Variants in TES observed in about 807,000 individuals in gnomAD.
The protein encoded by TES is testin LIM domain protein.
TES carries 41 observed loss-of-function variants against 48.2 expected under a neutral mutation model. The ratio of observed to expected loss-of-function variants is 0.85; its 90% CI spans 0.66 to 1.10. The LOEUF (loss-of-function observed/expected upper bound fraction) is 1.10. TES is among the 50% of genes least tolerant of loss of function. The probability of loss-of-function intolerance (pLI) is 0.00; values close to 1 mark genes in which losing one functional copy is unlikely to be tolerated. For missense variants in TES, 463 were observed against 515.1 expected (o/e 0.90, Z 0.98); for synonymous variants, 162 against 174.9 (o/e 0.93, Z 0.58).
chr7:116,250,580 T>C lies in TES; in HGVS notation c.702+84T>C, dbSNP rs182425778. 331 of 1,067,696 alleles carry C rather than the reference T, an allele frequency of 3.1e-4. 2 individuals carry two copies. The Admixed American group carries it at 3.2e-3, about 10-fold the overall frequency. The allele number at this position is 1,067,696 out of a possible 1,614,324, so 66.1% of individuals were successfully genotyped here. Reference sequence around the variant, plus strand: ...TTACTTTGAACTTTTTTGGGGACTATTCCTCTGAGTTTCCAAAAGGGAATA... The same window carrying C: ...TTACTTTGAACTTTTTTGGGGACTACTCCTCTGAGTTTCCAAAAGGGAATA... On this transcript the variant is annotated intron_variant, in intron 4 of 6. Coordinates refer to ENST00000358204, the MANE Select transcript of TES (RefSeq NM_015641.4).
At chr7:116,248,294 T>A (rs1799955290) in intron 2 of TES, among the ~76,000 whole-genome samples, 1 of 152,152 alleles carries the variant, frequency 6.6e-6, no homozygotes, top group African/African-American at 2.4e-5. Context: ...GGGTGCATTG[T>A]CCTTTTGGTG....
intron 2 of TES, among the ~76,000 whole-genome samples, chr7:116,247,777 T>G (rs186970999): frequency 5.0e-4 from 76 of 152,326 alleles, no homozygotes; most frequent in African/African-American, 1.5e-3. Flanking sequence ...AAATACATTA[T>G]TAGTGACTGA....
intron 1 of TES, among the ~76,000 whole-genome samples, chr7:116,224,894 T>C (rs1799603738): frequency 6.6e-6 from 1 of 152,156 alleles, no homozygotes; most frequent in African/African-American, 2.4e-5. Context: ...GACTTTGTAG[T>C]GAGTGCATAG....
Position 116,234,557 on chromosome 7 carries a change from A to G in TES, c.51A>G (p.Gly17=). 6.2e-7 allele frequency: 1 copy of G among 1,613,904 alleles called. No homozygotes were observed. Among genetic ancestry groups the G allele is most frequent in the Non-Finnish European group, 8.5e-7 (1 of 1,179,828 alleles). Reference sequence around the variant, plus strand: ...AGATGGGCTTAGGTCACGAGCAAGGATTTGGAGCCCCTTGTTTAAAATGCA... The same window carrying G: ...AGATGGGCTTAGGTCACGAGCAAGGGTTTGGAGCCCCTTGTTTAAAATGCA... ...VKKMGLGHEQ[G]FGAPCLKCKE... The change falls in exon 2 of 7, where the codon GGA becomes GGG. Residue 17 remains glycine (G), a synonymous_variant. Transcript: ENST00000358204.
intron 2 of TES, chr7:116,237,950 C>T (rs145201614): frequency 6.6e-6 from 1 of 152,240 alleles, no homozygotes; most frequent in Non-Finnish European, 1.5e-5. Flanking sequence ...TTTAACTTTA[C>T]TTCTTAAAAG....
intron 1 of TES, among the ~76,000 whole-genome samples, chr7:116,225,766 A>G (rs537996049): frequency 2.0e-5 from 3 of 152,302 alleles, no homozygotes; most frequent in Admixed American, 6.5e-5. Context: ...TGATTATTCT[A>G]TTCTTGAGCT....
intron 6 of TES, among the ~76,000 whole-genome samples, chr7:116,257,063 G>A (rs1051923142): frequency 1.3e-5 from 2 of 152,150 alleles, no homozygotes; most frequent in African/African-American, 4.8e-5. Context: ...TATCTTACAT[G>A]CATCAAATCA....
chr7:116,224,686 G>A (rs961625521), intron 1 of TES, among the ~76,000 whole-genome samples: 2 of 152,058 alleles, frequency 1.3e-5, no homozygotes, highest in African/African-American at 4.8e-5. Flanking sequence ...CCATGTTAGT[G>A]TAGCTGATGT....
At chr7:116,240,192 T>G (rs1038446233) in intron 2 of TES, among the ~76,000 whole-genome samples, 9 of 152,188 alleles carry the variant, frequency 5.9e-5, no homozygotes, top group Non-Finnish European at 1.3e-4. Context: ...TCCAACCCTT[T>G]TAAATTATGG....
At chr7:116,221,449 A>C (rs1799556986) in intron 1 of TES, among the ~76,000 whole-genome samples, 1 of 152,176 alleles carries the variant, frequency 6.6e-6, no homozygotes, top group Non-Finnish European at 1.5e-5. Flanking sequence ...CCCATTAAAA[A>C]GTGGAGTCTG....
chr7:116,253,580 TC>T (rs1188478796), intron 6 of TES, among the ~76,000 whole-genome samples: 2 of 152,176 alleles, frequency 1.3e-5, no homozygotes, highest in Non-Finnish European at 2.9e-5. Flanking sequence ...TTCTTGCCTC[TC>T]CTGTCCCTTC....
Position 116,249,056 on chromosome 7 carries a change from G to A in TES, c.150G>A (p.Glu50=), listed in dbSNP as rs373742301. ...GTAACTGCAAGTGTGGCCAAGAAGAGCATGATGTCCTCTTGAGCAATGAAG... is the reference window on the plus strand; with the variant it reads ...GTAACTGCAAGTGTGGCCAAGAAGAACATGATGTCCTCTTGAGCAATGAAG... ...ICRNCKCGQE[E]HDVLLSNEED... The change falls in exon 3 of 7, where the codon GAG becomes GAA. Residue 50 remains glutamate, a synonymous_variant. Transcript: ENST00000358204. 1 of 1,612,150 alleles carries A rather than the reference G, an allele frequency of 6.2e-7. No individual in the cohort carries two copies. Among genetic ancestry groups the A allele is most frequent in the Non-Finnish European group, 8.5e-7 (1 of 1,178,536 alleles).
intron 1 of TES, among the ~76,000 whole-genome samples, chr7:116,228,470 G>A (rs920694928): frequency 1.3e-5 from 2 of 152,166 alleles, no homozygotes; most frequent in African/African-American, 2.4e-5. Flanking sequence ...AGACAGCTTT[G>A]AGACTTGTGC....
intron 6 of TES, chr7:116,252,724 C>T: frequency 2.0e-6 from 1 of 501,404 alleles, no homozygotes; most frequent in South Asian, 2.2e-5. Flanking sequence ...ATAATAAAAT[C>T]CTCACTTAAA....
intron 1 of TES, among the ~76,000 whole-genome samples, chr7:116,214,551 T>C (rs1799473066): frequency 6.6e-6 from 1 of 152,148 alleles, no homozygotes; most frequent in Non-Finnish European, 1.5e-5. Context: ...AAATGAGTGG[T>C]CCTCGGCCAG....
At chr7:116,250,573 G>GCCAA (rs1200706012) in intron 4 of TES, 77 bp downstream of exon 4, 1 of 1,184,592 alleles carries the variant, frequency 8.4e-7, no homozygotes, top group African/African-American at 1.6e-5. Flanking sequence ...AACTTTTTTG[G>GCCAA]GGACTATTCC....
At chr7:116,254,464 G>A (rs943070039) in intron 6 of TES, among the ~76,000 whole-genome samples, 3 of 152,092 alleles carry the variant, frequency 2.0e-5, no homozygotes, top group Admixed American at 1.3e-4. Context: ...GGCCAGGCAT[G>A]GTGGCTCACG....
chr7:116,254,107 T>C (rs888824205), intron 6 of TES, among the ~76,000 whole-genome samples: 8 of 152,208 alleles, frequency 5.3e-5, no homozygotes, highest in African/African-American at 1.9e-4. Context: ...TAAAAACTGC[T>C]TCAATGAATA....
rs1450413899 is a variant in TES, at chr7:116,210,594, C to G, written c.-114C>G. 2 of 1,154,624 alleles carry G rather than the reference C, an allele frequency of 1.7e-6. No individual in the cohort carries two copies. Among genetic ancestry groups the G allele is most frequent in the Non-Finnish European group, 2.2e-6 (2 of 899,554 alleles). 71.5% of individuals were successfully genotyped at this position (1,154,624 alleles called of 1,614,324 possible). A position where few individuals can be genotyped will look rare whatever the true frequency, so the allele number is the denominator to read the frequency against. On this transcript the variant is annotated 5_prime_UTR_variant, in exon 1 of 7. Transcript: ENST00000358204. ...CGGCGCCGGGCGAGTGGCTGTTGAG[C>G]GGCGCCGCGGGAGTTCCGCAGGTTT...
Sources: allele counts gnomAD v4.1 joint callset (sites outside exome capture counted in the v4.1 genomes callset), GRCh38; gene constraint gnomAD v4.1.1; transcripts MANE v1.5; gene names NCBI Gene and HGNC (gene_info 2026-07-23, HGNC 2026-07-21).